The following SLC6A15 variants were observed in gnomAD, a reference collection of about 807,000 sequenced individuals.
The protein encoded by SLC6A15 is sodium-dependent neutral amino acid transporter B(0)AT2.
A neutral mutation model predicts 68.5 loss-of-function variants in SLC6A15; 33 were observed. The observed-to-expected ratio is 0.48, with a 90% CI of 0.37 to 0.64. SLC6A15 has a LOEUF of 0.64. SLC6A15 is among the 30% of genes least tolerant of loss of function. The pLI, the probability that SLC6A15 is intolerant of heterozygous loss-of-function variation, is 0.00. For synonymous variants in SLC6A15, 347 were observed against 301.0 expected (o/e 1.15, Z -1.58); for missense variants, 747 against 874.3 (o/e 0.85, Z 1.84).
At chr12:84,887,016 C>T (rs1872141821) in intron 2 of SLC6A15, among the ~76,000 whole-genome samples, 1 of 152,146 alleles carries the variant, frequency 6.6e-6, no homozygotes, top group South Asian at 2.1e-4. Flanking sequence ...GATCACTGTT[C>T]ACTGCATTCT....
intron 1 of SLC6A15, among the ~76,000 whole-genome samples, chr12:84,898,427 AT>A (rs2120705321): frequency 6.6e-6 from 1 of 152,294 alleles, no homozygotes; most frequent in Non-Finnish European, 1.5e-5. Flanking sequence ...AATCTTTCTT[AT>A]TTGATTGTAA....
At chr12:84,911,461 C>T (rs1873456315) in intron 1 of SLC6A15, among the ~76,000 whole-genome samples, 1 of 152,160 alleles carries the variant, frequency 6.6e-6, no homozygotes, top group Admixed American at 6.5e-5. Context: ...CCGTCTTACT[C>T]CAGCCTTTCC....
chr12:84,877,971 A>G (rs143284316), intron 5 of SLC6A15, among the ~76,000 whole-genome samples: 73 of 152,292 alleles, frequency 4.8e-4, no homozygotes, highest in Non-Finnish European at 7.4e-5. Context: ...GAAGGAAGGA[A>G]TGGAAGGAGA....
chr12:84,864,972 G>A (rs1871007972), intron 10 of SLC6A15, among the ~76,000 whole-genome samples: 1 of 152,078 alleles, frequency 6.6e-6, no homozygotes, highest in Admixed American at 6.6e-5. Context: ...TATAAATAGT[G>A]TTATTCAGGA....
intron 1 of SLC6A15, among the ~76,000 whole-genome samples, chr12:84,908,601 C>CATAT (rs3084056): frequency 0.024 from 3,308 of 140,434 alleles, 67 homozygotes; most frequent in African/African-American, 0.055. Flanking sequence ...AGTAAAGAAA[C>CATAT]ATATATATAT....
intron 4 of SLC6A15, among the ~76,000 whole-genome samples, chr12:84,884,494 T>C (rs1871987873): frequency 6.6e-6 from 1 of 151,978 alleles, no homozygotes; most frequent in Non-Finnish European, 1.5e-5. Context: ...TTAGTAGAGA[T>C]GTTGTTTCAC....
At chr12:84,886,739 A>G (rs1565727753) in intron 2 of SLC6A15, among the ~76,000 whole-genome samples, 2 of 152,202 alleles carry the variant, frequency 1.3e-5, no homozygotes, top group Admixed American at 6.5e-5. Context: ...AACATTTAAT[A>G]TCTATTGTAA....
At chr12:84,903,239 C>T (rs1041992569) in intron 1 of SLC6A15, among the ~76,000 whole-genome samples, 1 of 151,962 alleles carries the variant, frequency 6.6e-6, no homozygotes, top group Non-Finnish European at 1.5e-5. Context: ...CTGAAGTAGA[C>T]AAAAAGTTTT....
rs1871378279 is a variant in SLC6A15 at position 84,873,433 on chromosome 12, T to C, written c.868-105A>G. On this transcript the variant is annotated intron_variant, in intron 6 of 11. Transcript: ENST00000266682. The stretch of plus-strand genomic sequence containing the variant: ...TGGAGTATACAATGATATTTATGCA[T>C]CCAAAGTTTATTTAAATCGGGAAAT... 2.3e-6 allele frequency: 3 copies of C among 1,281,128 alleles called. No individual in the cohort carries two copies. The South Asian group carries it at 4.5e-5, about 19-fold the overall frequency. 79.4% of individuals were successfully genotyped at this position (1,281,128 alleles called of 1,614,324 possible). A position where few individuals can be genotyped will look rare whatever the true frequency, so the allele number is the denominator to read the frequency against.
At chr12:84,868,432 CAG>C in intron 9 of SLC6A15, among the ~76,000 whole-genome samples, 1 of 152,252 alleles carries the variant, frequency 6.6e-6, no homozygotes, top group African/African-American at 2.4e-5. Flanking sequence ...CTGGAAGTAG[CAG>C]AGTTTGGATC....
At chr12:84,896,343 C>G (rs1013396684) in intron 1 of SLC6A15, among the ~76,000 whole-genome samples, 1 of 151,722 alleles carries the variant, frequency 6.6e-6, no homozygotes, top group African/African-American at 2.4e-5. Context: ...TGCTCATGGA[C>G]CAAATACAAC....
At chr12:84,887,715 AAG>A (rs145361923) in intron 2 of SLC6A15, among the ~76,000 whole-genome samples, 1 of 151,890 alleles carries the variant, frequency 6.6e-6, no homozygotes, top group South Asian at 2.1e-4. Context: ...AGTAAGAAAA[AAG>A]AGAGAGAGAA....
Position 84,901,788 on chromosome 12 carries a change from T to G in SLC6A15, c.-188-9480A>C, listed in dbSNP as rs1357346400. On this transcript the variant is annotated intron_variant, in intron 1 of 11. Coordinates refer to ENST00000266682, the MANE Select transcript of SLC6A15 (RefSeq NM_182767.6). ...CTATAATAAAGCACTAGAACACTAG[T>G]AAATTATCTCCCTGTCTTTGACAAC... Among the ~76,000 whole-genome samples the G allele has an allele frequency of 2.0e-5, 3 of 151,986 alleles. No homozygotes were observed. The East Asian group carries it at 5.8e-4, about 29-fold the overall frequency.
At chr12:84,901,693 A>G (rs1353285354) in intron 1 of SLC6A15, among the ~76,000 whole-genome samples, 3 of 151,826 alleles carry the variant, frequency 2.0e-5, no homozygotes, top group African/African-American at 7.2e-5. Context: ...CATCTGACAT[A>G]TATGATGGAT....
At chr12:84,868,153 T>C (rs1252886413) in intron 9 of SLC6A15, among the ~76,000 whole-genome samples, 3 of 152,132 alleles carry the variant, frequency 2.0e-5, no homozygotes, top group African/African-American at 7.2e-5. Context: ...CATGAAGAAA[T>C]TACCTCCATC....
intron 5 of SLC6A15, among the ~76,000 whole-genome samples, chr12:84,877,577 A>G (rs1336893066): frequency 6.6e-6 from 1 of 152,184 alleles, no homozygotes; most frequent in African/African-American, 2.4e-5. Context: ...AAGCTCAGCC[A>G]GCCTTAAGAT....
Position 84,885,974 on chromosome 12 carries a change from G to A in SLC6A15, c.384C>T (p.Gly128=). The A allele has an allele frequency of 6.2e-7, 1 of 1,613,034 alleles. No individual in the cohort carries two copies. The highest frequency in any genetic ancestry group is 1.1e-5 in the South Asian group (1 of 90,998). ...TTATGTAATTCCATACACCAATGCT[G>A]CCTCGCCGAATTCTTTGACCCACAG... ...ELSVGQRIRR[G]SIGVWNYISP... Residue 128 remains glycine, a synonymous_variant, in exon 3 of 12, where the codon GGC becomes GGT. Transcript: ENST00000266682.
At chr12:84,884,759 A>C in intron 4 of SLC6A15, among the ~76,000 whole-genome samples, 1 of 152,128 alleles carries the variant, frequency 6.6e-6, no homozygotes, top group East Asian at 1.9e-4. Context: ...ATGGGTTACA[A>C]ATGTGAAATT....
chr12:84,906,866 C>T (rs552565618), intron 1 of SLC6A15, among the ~76,000 whole-genome samples: 12 of 151,806 alleles, frequency 7.9e-5, no homozygotes. Flanking sequence ...CTAGGGTTAA[C>T]CAAAGAGCTC....
Sources: gnomAD v4.1 joint callset for allele counts (sites outside exome capture counted in the v4.1 genomes callset) on GRCh38, gnomAD v4.1.1 for gene constraint, MANE v1.5 for transcripts, NCBI Gene and HGNC (gene_info 2026-07-23, HGNC 2026-07-21) for gene names.